Variants in MYO15B observed in about 807,000 individuals in gnomAD.
MYO15B encodes myosin XVB pseudogene.
MYO15B carries 207 observed loss-of-function variants against 119.3 expected under a neutral mutation model. The observed-to-expected ratio is 1.73, with a 90% CI of 1.55 to 1.95. The LOEUF (loss-of-function observed/expected upper bound fraction) is 1.95, where lower values mean the gene tolerates loss of function less well. Ranked by LOEUF, MYO15B falls within the 30% of genes most tolerant of loss-of-function variation. The pLI is 0.00. For missense variants in MYO15B, 2,264 were observed against 1,203.1 expected (o/e 1.88, Z -13.04); for synonymous variants, 966 against 498.9 (o/e 1.94, Z -12.48).
intron 5 of MYO15B, 95 bp downstream of exon 5, chr17:75,591,807 T>C: frequency 2.9e-6 from 2 of 689,632 alleles, no homozygotes; most frequent in Non-Finnish European, 5.3e-6. Context: ...ATCTTTCTCC[T>C]TTCAGCCAGG....
chr17:75,626,492 G>A, exon 64 of MYO15B: 2 of 703,182 alleles, frequency 2.8e-6, no homozygotes, highest in South Asian at 1.5e-5. Flanking sequence ...TGAGAGGAGT[G>A]CAGGCCGGGG....
intron 14 of MYO15B, among the ~76,000 whole-genome samples, chr17:75,600,329 A>C (rs1230884753): frequency 6.6e-6 from 1 of 151,696 alleles, no homozygotes; most frequent in Non-Finnish European, 1.5e-5. Context: ...GTCCGGCCTA[A>C]GAGTGATCTT....
rs922028727 is a variant in MYO15B at position 75,625,707 on chromosome 17, A to T, written c.8938+47A>T. 5.7e-6 allele frequency: 4 copies of T among 701,814 alleles called. No homozygotes were observed. In the East Asian group the frequency reaches 1.1e-4, roughly 19 times the overall value. The allele number at this position is 701,814 out of a possible 1,614,324, so 43.5% of individuals were successfully genotyped here. ...CGCTGGGTGGGGGCTGGAGGCCAAGAGGGAAGGAATGCAGGTAGAGGGGCG... is the reference window on the plus strand; with the variant it reads ...CGCTGGGTGGGGGCTGGAGGCCAAGTGGGAAGGAATGCAGGTAGAGGGGCG... On this transcript the variant is annotated intron_variant, in intron 61 of 63. Transcript: ENST00000645453.
chr17:75,618,646 C>T (rs1093993), intron 43 of MYO15B, among the ~76,000 whole-genome samples: 42,259 of 152,138 alleles, frequency 0.28, 6,107 homozygotes, highest in Middle Eastern at 0.34. Flanking sequence ...GAGACTGTGT[C>T]TCAACAACAA....
intron 20 of MYO15B, 93 bp downstream of exon 20, chr17:75,605,714 A>G: frequency 1.5e-6 from 1 of 678,166 alleles, no homozygotes; most frequent in South Asian, 1.5e-5. Flanking sequence ...GGATTTGGGG[A>G]TCCATCCAAG....
intron 14 of MYO15B, among the ~76,000 whole-genome samples, chr17:75,600,262 C>T (rs547931827): frequency 5.3e-5 from 8 of 151,978 alleles, no homozygotes; most frequent in Middle Eastern, 3.4e-3. Context: ...CTCCTGACCT[C>T]GTGATCCACC....
intron 21 of MYO15B, among the ~76,000 whole-genome samples, chr17:75,609,575 G>A (rs1030673545): frequency 7.1e-6 from 1 of 141,748 alleles, no homozygotes; most frequent in African/African-American, 2.7e-5. Flanking sequence ...CAGAGAGTCA[G>A]ATCTTAATCC....
At position 75,619,477 on chromosome 17, in the gene MYO15B, G is replaced by A. The variant is rs1330863193; in HGVS notation, c.7182+1G>A. On this transcript the variant is annotated splice_donor_variant, in intron 45 of 63. Coordinates refer to ENST00000645453, the Ensembl canonical transcript of MYO15B. LOFTEE classifies it high-confidence loss of function. ...CTTCTCCCGCTTCTTTCCTGTCTCG[G>A]TCAGTGGCGCTGGGGTAGGGAGTAG... The A allele has an allele frequency of 4.3e-6, 3 of 702,048 alleles. No individual in the cohort carries two copies. Among genetic ancestry groups the A allele is most frequent in the African/African-American group, 1.7e-5 (1 of 57,210 alleles). 43.5% of individuals were successfully genotyped at this position (702,048 alleles called of 1,614,324 possible). A position where few individuals can be genotyped will look rare whatever the true frequency, so the allele number is the denominator to read the frequency against.
chr17:75,588,214 G>A (rs551826184), exon 1 of MYO15B: 12 of 397,976 alleles, frequency 3.0e-5, no homozygotes, highest in Middle Eastern at 6.2e-4. Context: ...ACCGGCGGCC[G>A]AGCCTGCCAC....
chr17:75,603,021 T>C lies in MYO15B; in HGVS notation c.3846-11T>C, dbSNP rs140792918. 415 of 703,256 alleles carry C rather than the reference T, an allele frequency of 5.9e-4. 6 individuals are homozygous for C. The East Asian group carries it at 0.011, about 19-fold the overall frequency. 43.6% of individuals were successfully genotyped at this position (703,256 alleles called of 1,614,324 possible). ...AGTCTGTGCCCGAGTGACCCCTCTT[T>C]CCCTCATCAGGAGCCATGTCTATTT... On this transcript the variant is annotated splice_polypyrimidine_tract_variant and intron_variant, in intron 17 of 63. Coordinates refer to ENST00000645453, the Ensembl canonical transcript of MYO15B.
At chr17:75,591,421 C>T (rs2056440644) in intron 4 of MYO15B, 175 bp downstream of exon 4, 1 of 617,296 alleles carries the variant, frequency 1.6e-6, no homozygotes, top group African/African-American at 1.8e-5. Context: ...TGGAATGTGG[C>T]ATCTTGGGGA....
chr17:75,610,973 A>C lies in MYO15B; in HGVS notation c.4446+14A>C, dbSNP rs1598840354. On this transcript the variant is annotated intron_variant, in intron 23 of 63. Transcript: ENST00000645453. ...GTGCCAAGCATGGTAGGTGGCCTGG[A>C]AAGTGGGGGGTTTTACATGGGGCTA... is the stretch of plus-strand genomic sequence containing the variant. The C allele has an allele frequency of 1.4e-6, 1 of 702,920 alleles. No homozygotes were observed. Among genetic ancestry groups the C allele is most frequent in the Non-Finnish European group, 2.6e-6 (1 of 384,986 alleles). 43.5% of individuals were successfully genotyped at this position (702,920 alleles called of 1,614,324 possible).
At chr17:75,591,038 A>T in intron 3 of MYO15B, 22 bp downstream of exon 3, 1 of 651,206 alleles carries the variant, frequency 1.5e-6, no homozygotes, top group Non-Finnish European at 2.8e-6. Context: ...TGCCCCACTG[A>T]CCCTCTGCTC....
intron 14 of MYO15B, among the ~76,000 whole-genome samples, chr17:75,597,386 G>A (rs756256982): frequency 2.0e-5 from 3 of 152,200 alleles, no homozygotes; most frequent in Non-Finnish European, 2.9e-5. Context: ...CCGTTTCAGC[G>A]CGCGTCCACA....
intron 7 of MYO15B, 30 bp downstream of exon 7, chr17:75,592,331 C>T (rs1461701071): frequency 2.8e-6 from 2 of 702,374 alleles, no homozygotes; most frequent in Admixed American, 2.0e-5. Flanking sequence ...CCACCCCTGC[C>T]CAGTTCCCAG....
At chr17:75,610,338 G>C (rs1004728450) in intron 22 of MYO15B, 79 bp downstream of exon 22, 1 of 617,204 alleles carries the variant, frequency 1.6e-6, no homozygotes, top group Non-Finnish European at 2.9e-6. Flanking sequence ...TCCCAGCAGC[G>C]TTGACCCTCT....
intron 41 of MYO15B, 60 bp from the exon 42 acceptor site, chr17:75,617,750 C>T: frequency 3.0e-6 from 2 of 664,370 alleles, no homozygotes; most frequent in Non-Finnish European, 5.5e-6. Context: ...CCTCCCGTGC[C>T]CCCATCACTC....
At chr17:75,612,930 C>G in intron 26 of MYO15B, 37 bp downstream of exon 26, 1 of 692,662 alleles carries the variant, frequency 1.4e-6, no homozygotes, top group South Asian at 1.5e-5. Context: ...GGATAGGCGC[C>G]TGGGAGCCCC....
rs1568105854 is a variant in MYO15B at position 75,589,644 on chromosome 17, C to T, written c.1587C>T (p.Gly529=). The change falls in exon 1 of 64, where the codon GGC becomes GGT. Residue 529 remains glycine (G), a synonymous_variant. Transcript: ENST00000645453. This position sits in a 1 kb window ranked among gnomAD's most constrained non-coding sequence, Gnocchi z 4.2. ...AGGTCCCGACAAGCCCAGTCCCCGG[C>T]GACCCTTTTGATCAGGAGGACGAGA... The T allele has an allele frequency of 5.0e-6, 2 of 398,786 alleles. No individual in the cohort carries two copies. The highest frequency in any genetic ancestry group is 8.8e-6 in the Non-Finnish European group (2 of 226,074). 24.7% of individuals were successfully genotyped at this position (398,786 alleles called of 1,614,324 possible).
Sources: allele counts gnomAD v4.1 joint callset (sites outside exome capture counted in the v4.1 genomes callset), GRCh38; gene constraint gnomAD v4.1.1; non-coding constraint Gnocchi (gnomAD v3.1); transcripts MANE v1.5; gene names NCBI Gene and HGNC (gene_info 2026-07-23, HGNC 2026-07-21).